USP42: variants seen among roughly 807,000 people sequenced by gnomAD.
USP42 encodes ubiquitin specific peptidase 42, also known as ubiquitin carboxyl-terminal hydrolase 42.
Under a neutral mutation model 113.0 loss-of-function variants are expected in USP42, and 23 were observed. That is an observed-to-expected ratio of 0.20 (90% CI 0.15 to 0.29). The LOEUF (loss-of-function observed/expected upper bound fraction) is 0.29, where lower values mean the gene tolerates loss of function less well. USP42 is among the 10% of genes least tolerant of loss of function. The probability of loss-of-function intolerance (pLI) is 1.00; values close to 1 mark genes in which losing one functional copy is unlikely to be tolerated. For missense variants in USP42, 2,174 were observed against 1,779.8 expected, an observed-to-expected ratio of 1.22 and a Z score of -3.99; for synonymous variants, 933 against 699.0, an observed-to-expected ratio of 1.33 and a Z score of -5.28.
chr7:6,123,033 C>G (rs944651646), intron 3 of USP42, among the ~76,000 whole-genome samples: 2 of 151,552 alleles, frequency 1.3e-5, no homozygotes, highest in Middle Eastern at 3.2e-3. Flanking sequence ...CCCGTGTTGG[C>G]TAGGCTGGTC....
the USP42 span, chr7:6,085,370 C>T: frequency 6.6e-6 from 1 of 150,524 alleles, no homozygotes; most frequent in African/African-American, 2.5e-5. Flanking sequence ...TCTGATCCAC[C>T]AGCTTTGGGC....
the USP42 span, among the ~76,000 whole-genome samples, chr7:6,086,426 C>T: frequency 6.6e-6 from 1 of 150,500 alleles, no homozygotes; most frequent in African/African-American, 2.5e-5. Context: ...AGGATGGTCT[C>T]GATCTCCTGA....
At chr7:6,091,889 G>A in the USP42 span, among the ~76,000 whole-genome samples, 7 of 150,470 alleles carry the variant, frequency 4.7e-5, 1 homozygote, top group South Asian at 2.1e-4. Flanking sequence ...ACTCTCAATC[G>A]GCATTTCTTC....
chr7:6,151,835 C>G (rs1189742497), intron 14 of USP42, among the ~76,000 whole-genome samples: 1 of 151,994 alleles, frequency 6.6e-6, no homozygotes, highest in East Asian at 1.9e-4. Flanking sequence ...TTTGTTTACA[C>G]CAGCATCACC....
chr7:6,138,730 T>C (rs1478357078), intron 4 of USP42, among the ~76,000 whole-genome samples: 2 of 152,194 alleles, frequency 1.3e-5, no homozygotes, highest in African/African-American at 2.4e-5. Context: ...TAGATTCTCA[T>C]AGCAGCGCCA....
chr7:6,091,642 C>CA, the USP42 span, among the ~76,000 whole-genome samples: 5 of 146,206 alleles, frequency 3.4e-5, no homozygotes, highest in Admixed American at 2.7e-4. Context: ...TTATATTAGC[C>CA]AAAAAAACAG....
intron 2 of USP42, among the ~76,000 whole-genome samples, chr7:6,113,953 C>T (rs1368998038): frequency 1.3e-5 from 2 of 152,214 alleles, no homozygotes; most frequent in Non-Finnish European, 2.9e-5. Flanking sequence ...CACTGGGGGA[C>T]TGCCAAAGCC....
chr7:6,119,877 GT>G (rs887955682), intron 3 of USP42, among the ~76,000 whole-genome samples: 6 of 151,990 alleles, frequency 3.9e-5, no homozygotes, highest in African/African-American at 1.2e-4. Flanking sequence ...CTAATTTTTT[GT>G]TTTTTTGTAG....
chr7:6,142,828 G>A, intron 7 of USP42, 104 bp from the exon 8 acceptor site: 1 of 1,044,430 alleles, frequency 9.6e-7, no homozygotes, highest in South Asian at 1.4e-5. Flanking sequence ...AGGCTGCAGT[G>A]AGCTGTGATT....
chr7:6,136,662 CT>C (rs909583439), intron 4 of USP42, among the ~76,000 whole-genome samples: 8 of 152,160 alleles, frequency 5.3e-5, no homozygotes, highest in Non-Finnish European at 1.2e-4. Flanking sequence ...TGAATGAATA[CT>C]TTACTATACG....
chr7:6,110,710 CAAATT>C (rs1779555169), intron 1 of USP42, among the ~76,000 whole-genome samples: 1 of 152,096 alleles, frequency 6.6e-6, no homozygotes, highest in African/African-American at 2.4e-5. Context: ...GAATTATACT[CAAATT>C]GAAGATGTAG....
rs944128194 is a variant in USP42 at position 6,158,992 on chromosome 7, C to A, written c.3944-458C>A. 6.6e-6 allele frequency among the ~76,000 whole-genome samples: 1 copy of A among 152,144 alleles called. No homozygotes were observed. The highest frequency in any genetic ancestry group is 2.4e-5 in the African/African-American group (1 of 41,434). ...CGTCCCCGTCCCACTGCACCGATGACAGGGTTTGCAGCTGGCGCTTCTGCT... is the reference window on the plus strand; with the variant it reads ...CGTCCCCGTCCCACTGCACCGATGAAAGGGTTTGCAGCTGGCGCTTCTGCT... On this transcript the variant is annotated intron_variant, in intron 16 of 17. Coordinates refer to ENST00000306177, the MANE Select transcript of USP42 (RefSeq NM_032172.3). The surrounding 1 kb of genome is among the most constrained non-coding windows in gnomAD (Gnocchi z 4.2).
the USP42 span, among the ~76,000 whole-genome samples, chr7:6,092,019 TC>T: frequency 2.8e-5 from 3 of 106,986 alleles, no homozygotes; most frequent in South Asian, 3.1e-4. Context: ...TTCTTCTTCT[TC>T]TTCTTCTTCT....
At chr7:6,086,711 TTTTCCTTTTCCTTTTTCC>T in the USP42 span, among the ~76,000 whole-genome samples, 1 of 143,006 alleles carries the variant, frequency 7.0e-6, no homozygotes, top group East Asian at 2.3e-4. Flanking sequence ...TTTCCTTTCC[TTTTCCTTTTCCTTTTTCC>T]TTTCCTTTCT....
intron 3 of USP42, among the ~76,000 whole-genome samples, chr7:6,126,323 T>C (rs1780542005): frequency 6.6e-6 from 1 of 151,818 alleles, no homozygotes; most frequent in African/African-American, 2.4e-5. Context: ...CTTGCTCTGT[T>C]GTCCAGGCTG....
upstream of USP42, among the ~76,000 whole-genome samples, chr7:6,100,660 G>T (rs775234998): frequency 9.9e-4 from 147 of 148,254 alleles, no homozygotes; most frequent in Non-Finnish European, 1.9e-3. Flanking sequence ...GTTTCTTAGG[G>T]ACTATTCTTG....
rs1188221624 is a variant in USP42, at chr7:6,149,983, A to T, written c.1787A>T (p.Lys596Ile). 1.9e-6 allele frequency: 3 copies of T among 1,613,848 alleles called. No individual in the cohort carries two copies. The highest frequency in any genetic ancestry group is 1.7e-6 in the Non-Finnish European group (2 of 1,179,824). The change falls in exon 13 of 18, where the codon AAA (lysine) becomes ATA (isoleucine). Residue 596 changes from lysine to isoleucine, a missense_variant. Lys to Ile is a moderately radical substitution (Grantham distance 102, BLOSUM62 -3). Transcript: ENST00000306177. Reference protein sequence around the residue: ...ESCSQPVMNGKSKLNSSVLVP... With the variant: ...ESCSQPVMNGISKLNSSVLVP... Reference sequence around the variant, plus strand: ...TGCTCCCAGCCCGTGATGAATGGCAAATCCAAGCTGAACTCCAGCGTGCTG... The same window carrying T: ...TGCTCCCAGCCCGTGATGAATGGCATATCCAAGCTGAACTCCAGCGTGCTG...
chr7:6,129,216 T>G (rs529624847), intron 3 of USP42, among the ~76,000 whole-genome samples: 4 of 152,364 alleles, frequency 2.6e-5, no homozygotes, highest in African/African-American at 9.6e-5. Flanking sequence ...ATAGAAACAT[T>G]ACTTCCCTAT....
chr7:6,094,984 C>T, the USP42 span, among the ~76,000 whole-genome samples: 2 of 151,188 alleles, frequency 1.3e-5, no homozygotes, highest in South Asian at 2.1e-4. Context: ...GATGGAGTTT[C>T]GCCATGTTGG....
Sources: gnomAD v4.1 joint callset for allele counts (sites outside exome capture counted in the v4.1 genomes callset) on GRCh38, gnomAD v4.1.1 for gene constraint, Gnocchi (gnomAD v3.1) non-coding constraint, MANE v1.5 for transcripts, NCBI Gene and HGNC (gene_info 2026-07-23, HGNC 2026-07-21) for gene names.